Variants in L3MBTL3 observed in about 807,000 individuals in gnomAD.
L3MBTL3 encodes lethal(3)malignant brain tumor-like protein 3.
A neutral mutation model predicts 102.3 loss-of-function variants in L3MBTL3; 27 were observed. The ratio of observed to expected loss-of-function variants is 0.26; its 90% CI spans 0.19 to 0.36. The LOEUF (loss-of-function observed/expected upper bound fraction) is 0.36, where lower values mean the gene tolerates loss of function less well. Among genes scored for constraint, L3MBTL3 ranks in the 10% least tolerant of loss-of-function variants. The pLI is 1.00. For synonymous variants in L3MBTL3, 340 were observed against 320.9 expected (o/e 1.06, Z -0.64); for missense variants, 798 against 955.3 (o/e 0.84, Z 2.17).
intron 16 of L3MBTL3, among the ~76,000 whole-genome samples, chr6:130,086,596 G>T (rs1289065950): frequency 1.3e-5 from 2 of 152,108 alleles, no homozygotes; most frequent in Non-Finnish European, 2.9e-5. Flanking sequence ...TGTTTTTGTG[G>T]GGTAGATTAG....
intron 16 of L3MBTL3, among the ~76,000 whole-genome samples, chr6:130,087,037 C>T (rs1783732983): frequency 2.0e-5 from 3 of 152,060 alleles, no homozygotes; most frequent in African/African-American, 7.2e-5. Flanking sequence ...CAGAGAGGCT[C>T]ATAAAGATTA....
At chr6:130,093,538 A>G (rs532738251) in intron 17 of L3MBTL3, among the ~76,000 whole-genome samples, 1 of 152,216 alleles carries the variant, frequency 6.6e-6, no homozygotes, top group Non-Finnish European at 1.5e-5. Flanking sequence ...GCCTATTTAG[A>G]ATAACAAAGC....
intron 19 of L3MBTL3, among the ~76,000 whole-genome samples, chr6:130,108,323 C>T (rs1785129136): frequency 6.7e-6 from 1 of 148,810 alleles, no homozygotes; most frequent in Admixed American, 6.8e-5. Flanking sequence ...CAACCTCCGC[C>T]TCCCAGGTTC....
At chr6:130,056,643 A>C (rs1781529442) in intron 8 of L3MBTL3, among the ~76,000 whole-genome samples, 1 of 151,898 alleles carries the variant, frequency 6.6e-6, no homozygotes, top group Non-Finnish European at 1.5e-5. Context: ...GTTCCTCTGC[A>C]CTCTGCCTCC....
chr6:130,106,832 ATC>A (rs1255565729), intron 19 of L3MBTL3, among the ~76,000 whole-genome samples: 5 of 152,172 alleles, frequency 3.3e-5, no homozygotes, highest in Non-Finnish European at 7.3e-5. Flanking sequence ...CTGGAAACAT[ATC>A]TTTAAGAGGT....
At chr6:130,088,635 A>C (rs1783841471) in intron 16 of L3MBTL3, among the ~76,000 whole-genome samples, 1 of 152,322 alleles carries the variant, frequency 6.6e-6, no homozygotes, top group East Asian at 1.9e-4. Flanking sequence ...TTATGTTTTT[A>C]GTAATAGAAG....
chr6:130,094,233 G>T (rs774033365), intron 17 of L3MBTL3, 32 bp from the exon 18 acceptor site: 2 of 1,520,700 alleles, frequency 1.3e-6, no homozygotes, highest in Admixed American at 3.4e-5. Context: ...TTAATATTTT[G>T]CCCCTTCTTT....
chr6:130,061,416 T>C (rs945343316), intron 10 of L3MBTL3, among the ~76,000 whole-genome samples: 2 of 152,144 alleles, frequency 1.3e-5, no homozygotes, highest in African/African-American at 2.4e-5. Context: ...AAAACAACCT[T>C]TTGAGGCAGA....
rs181508084 is a variant in L3MBTL3, at chr6:130,030,134, C to G, written c.-16+7829C>G. Reference sequence around the variant, plus strand: ...TCGGTCTCCCAAAGTGCTAGGATTACAGAAGTGAGCCACCTCTCCCGGCCG... The same window carrying G: ...TCGGTCTCCCAAAGTGCTAGGATTAGAGAAGTGAGCCACCTCTCCCGGCCG... On this transcript the variant is annotated intron_variant, in intron 2 of 22. Coordinates refer to ENST00000361794, the MANE Select transcript of L3MBTL3 (RefSeq NM_032438.4). Among the ~76,000 whole-genome samples, 30 of 152,248 alleles carry G rather than the reference C, an allele frequency of 2.0e-4. No individual in the cohort carries two copies. In the East Asian group the frequency reaches 5.0e-3, roughly 26 times the overall value.
At chr6:130,069,390 A>G (rs1437366850) in intron 12 of L3MBTL3, among the ~76,000 whole-genome samples, 1 of 152,244 alleles carries the variant, frequency 6.6e-6, no homozygotes, top group Non-Finnish European at 1.5e-5. Context: ...AGTGTTAACC[A>G]GTTGGTTTGA....
intron 11 of L3MBTL3, among the ~76,000 whole-genome samples, chr6:130,067,153 G>A (rs952190217): frequency 1.3e-5 from 2 of 151,890 alleles, no homozygotes; most frequent in Non-Finnish European, 2.9e-5. Flanking sequence ...TTGCTGTGTC[G>A]CCCAGGTTGC....
chr6:130,108,220 G>GTTTGTTTTT (rs1785104150), intron 19 of L3MBTL3, among the ~76,000 whole-genome samples: 1 of 118,706 alleles, frequency 8.4e-6, no homozygotes, highest in Non-Finnish European at 1.8e-5. Context: ...ATGTTAGGTG[G>GTTTGTTTTT]TTTTTTTTTT....
intron 22 of L3MBTL3, among the ~76,000 whole-genome samples, chr6:130,138,998 G>A (rs990178400): frequency 2.6e-5 from 4 of 152,074 alleles, no homozygotes; most frequent in Admixed American, 1.3e-4. Flanking sequence ...CCCTACCTGC[G>A]TATTAGAAGA....
chr6:130,066,273 T>G, intron 10 of L3MBTL3, 80 bp from the exon 11 acceptor site: 1 of 510,490 alleles, frequency 2.0e-6, no homozygotes, highest in Non-Finnish European at 3.0e-6. Flanking sequence ...CTGGTGTCCA[T>G]GTTTATTTTT....
intron 22 of L3MBTL3, among the ~76,000 whole-genome samples, chr6:130,136,447 G>A (rs561987566): frequency 2.6e-5 from 4 of 152,186 alleles, no homozygotes; most frequent in Admixed American, 2.6e-4. Flanking sequence ...CTTCTGCACA[G>A]AACACTCTTC....
chr6:130,051,757 G>T (rs144141727), intron 6 of L3MBTL3, among the ~76,000 whole-genome samples: 2 of 152,292 alleles, frequency 1.3e-5, no homozygotes, highest in African/African-American at 4.8e-5. Flanking sequence ...ACATAGTTTT[G>T]TTTATATTTT....
chr6:130,051,018 T>C (rs1265545599), intron 5 of L3MBTL3, among the ~76,000 whole-genome samples: 2 of 152,212 alleles, frequency 1.3e-5, no homozygotes, highest in African/African-American at 4.8e-5. Context: ...GAAAAAGCCT[T>C]GGGCAAGCTT....
intron 3 of L3MBTL3, among the ~76,000 whole-genome samples, chr6:130,047,514 A>C (rs1312457322): frequency 6.6e-6 from 1 of 152,202 alleles, no homozygotes; most frequent in African/African-American, 2.4e-5. Context: ...CAGCAATTTG[A>C]AAACTTAAGC....
chr6:130,099,947 G>A (rs970283879), intron 18 of L3MBTL3, among the ~76,000 whole-genome samples: 1 of 152,144 alleles, frequency 6.6e-6, no homozygotes, highest in Non-Finnish European at 1.5e-5. Flanking sequence ...GCAGGCAGTG[G>A]CATCTTGCTA....
Sources: gnomAD v4.1 joint callset for allele counts (sites outside exome capture counted in the v4.1 genomes callset) on GRCh38, gnomAD v4.1.1 for gene constraint, MANE v1.5 for transcripts, NCBI Gene and HGNC (gene_info 2026-07-23, HGNC 2026-07-21) for gene names.